The following VPS53 variants were observed in gnomAD, a reference collection of about 807,000 sequenced individuals.
VPS53 encodes the protein vacuolar protein sorting-associated protein 53 homolog.
In VPS53, 70 loss-of-function variants were observed where a neutral mutation model predicts 107.0. That is an observed-to-expected ratio of 0.65 (90% CI 0.54 to 0.80). VPS53 has a LOEUF of 0.80. VPS53 is among the 30% of genes least tolerant of loss of function. VPS53 has a pLI of 0.00. For missense variants in VPS53, 917 were observed against 1,049.4 expected, an observed-to-expected ratio of 0.87 and a Z score of 1.74; for synonymous variants, 409 against 393.3, an observed-to-expected ratio of 1.04 and a Z score of -0.47.
intron 4 of VPS53, among the ~76,000 whole-genome samples, chr17:689,777 T>A (rs1297592007): frequency 6.6e-6 from 1 of 152,168 alleles, no homozygotes; most frequent in African/African-American, 2.4e-5. Flanking sequence ...CCCGGCCTAT[T>A]TTCGTTCTAA....
At position 519,584 on chromosome 17, in the gene VPS53, C is replaced by T. The variant is rs568098266; in HGVS notation, c.2328+242G>A. Among the ~76,000 whole-genome samples the T allele has an allele frequency of 2.8e-4, 43 of 152,336 alleles. No homozygotes were observed. Among genetic ancestry groups the T allele is most frequent in the Non-Finnish European group, 4.7e-4 (32 of 68,034 alleles). On this transcript the variant is annotated intron_variant, in intron 21 of 21. Coordinates refer to ENST00000437048, the MANE Select transcript of VPS53 (RefSeq NM_001128159.3). The surrounding 1 kb of genome is among the most constrained non-coding windows in gnomAD (Gnocchi z 5.0). ...CAACATGCCTGTCCTCATCCCCCTG[C>T]CCCTGCCCCATCCTCCCTGTGCAGG... is the stretch of plus-strand genomic sequence containing the variant.
At chr17:675,570 T>TC (rs1972119866) in intron 4 of VPS53, 1 of 152,024 alleles carries the variant, frequency 6.6e-6, no homozygotes, top group Admixed American at 6.5e-5. Flanking sequence ...GGTTGGGTGT[T>TC]CGAGACCAGC....
intron 12 of VPS53, among the ~76,000 whole-genome samples, chr17:600,451 A>C (rs1201546878): frequency 6.6e-6 from 1 of 152,248 alleles, no homozygotes; most frequent in Non-Finnish European, 1.5e-5. Context: ...CCAAAATGCA[A>C]TTGAGAACTG....
intron 8 of VPS53, among the ~76,000 whole-genome samples, chr17:630,391 A>G (rs1353840167): frequency 6.6e-6 from 1 of 151,700 alleles, no homozygotes; most frequent in Non-Finnish European, 1.5e-5. Flanking sequence ...GCTTCTCATG[A>G]GCGAATATCC....
chr17:690,639 A>G lies in VPS53; in HGVS notation c.285+6779T>C, dbSNP rs567431517. On this transcript the variant is annotated intron_variant, in intron 4 of 21. Transcript: ENST00000437048. ...TTGCGACTCTTGACCTGGGGGTTTC[A>G]GGTGACTGCCAACTCAGTAGAAGCC... Among the ~76,000 whole-genome samples, 50 of 152,336 alleles carry G rather than the reference A, an allele frequency of 3.3e-4. No individual in the cohort carries two copies. In the South Asian group the frequency reaches 9.7e-3, roughly 30 times the overall value.
chr17:557,908 G>A (rs1912583275), intron 15 of VPS53, among the ~76,000 whole-genome samples: 1 of 148,412 alleles, frequency 6.7e-6, no homozygotes, highest in South Asian at 2.1e-4. Flanking sequence ...CACCCAGGCT[G>A]GAGTGCAGTG....
At chr17:624,524 A>G (rs1969607933) in intron 10 of VPS53, among the ~76,000 whole-genome samples, 1 of 152,248 alleles carries the variant, frequency 6.6e-6, no homozygotes, top group African/African-American at 2.4e-5. Flanking sequence ...ATCTTCTCAC[A>G]CAAATAAATG....
At chr17:636,812 G>C (rs1970215528) in intron 7 of VPS53, among the ~76,000 whole-genome samples, 1 of 152,154 alleles carries the variant, frequency 6.6e-6, no homozygotes, top group South Asian at 2.1e-4. Flanking sequence ...TGCTGGATTT[G>C]GTTTGCCAGT....
Position 517,413 on chromosome 17 carries a change from T to C in VPS53, c.*1715A>G, listed in dbSNP as rs1908385938. The C allele has an allele frequency of 5.0e-6, 2 of 399,402 alleles. No homozygotes were observed. Among genetic ancestry groups the C allele is most frequent in the African/African-American group, 2.1e-5 (1 of 48,680 alleles). The allele number at this position is 399,402 out of a possible 1,614,324, so 24.7% of individuals were successfully genotyped here. ...GCAGGGGCACAGAGCAGTGGTTATGTTGGGAAACAAGGTGGGGATGAGGAA... is the reference window on the plus strand; with the variant it reads ...GCAGGGGCACAGAGCAGTGGTTATGCTGGGAAACAAGGTGGGGATGAGGAA... On this transcript the variant is annotated 3_prime_UTR_variant, in exon 22 of 22. Transcript: ENST00000437048.
intron 13 of VPS53, among the ~76,000 whole-genome samples, chr17:572,413 G>C (rs1271657862): frequency 7.0e-6 from 1 of 141,988 alleles, no homozygotes; most frequent in Non-Finnish European, 1.5e-5. Flanking sequence ...GAGGGAGGTG[G>C]GGGGGTCAGC....
intron 6 of VPS53, 89 bp from the exon 7 acceptor site, chr17:653,499 G>A: frequency 6.3e-7 from 1 of 1,579,000 alleles, no homozygotes; most frequent in Non-Finnish European, 8.6e-7. Flanking sequence ...CTCTCAAACA[G>A]ATATCAACTC....
In VPS53 at chr17:549,411, A is replaced by T. The variant is rs190836481; in HGVS notation, c.1866+2461T>A. On this transcript the variant is annotated intron_variant, in intron 17 of 21. Transcript: ENST00000437048. ...TTCCCAAGTCTGTGGTTTTCCTATG[A>T]TATAAACAAAGGACTCTGGAGGCAC... Among the ~76,000 whole-genome samples, 3 of 152,152 alleles carry T rather than the reference A, an allele frequency of 2.0e-5. No homozygotes were observed. The East Asian group carries it at 5.8e-4, about 29-fold the overall frequency.
rs1163447567 is a variant in VPS53, at chr17:669,470, A to G, written c.286-7575T>C. Among the ~76,000 whole-genome samples the G allele has an allele frequency of 3.9e-5, 6 of 151,974 alleles. No homozygotes were observed. The South Asian group carries it at 1.0e-3, about 26-fold the overall frequency. On this transcript the variant is annotated intron_variant, in intron 4 of 21. Coordinates refer to ENST00000437048, the MANE Select transcript of VPS53 (RefSeq NM_001128159.3). ...TAGCTGTGTGTGCTAGTACATGCCT[A>G]TAGTTCCAGCTACTCCGGAGGCTGA... is the stretch of plus-strand genomic sequence containing the variant.
intron 7 of VPS53, among the ~76,000 whole-genome samples, chr17:642,104 G>A (rs1970444544): frequency 6.6e-6 from 1 of 152,222 alleles, no homozygotes; most frequent in Non-Finnish European, 1.5e-5. Context: ...GTGAGTGACA[G>A]TCCCAAAGAA....
intron 4 of VPS53, among the ~76,000 whole-genome samples, chr17:678,330 G>A (rs1227956241): frequency 1.3e-5 from 2 of 151,926 alleles, no homozygotes; most frequent in Non-Finnish European, 2.9e-5. Context: ...GCTGAGGCAG[G>A]AGAATCGCTT....
chr17:669,909 A>G (rs944098968), intron 4 of VPS53, among the ~76,000 whole-genome samples: 5 of 152,042 alleles, frequency 3.3e-5, no homozygotes, highest in African/African-American at 1.2e-4. Context: ...AAAAGAAGAA[A>G]AAAAAGTAAT....
chr17:695,845 C>T (rs1393445596), intron 4 of VPS53, among the ~76,000 whole-genome samples: 1 of 152,218 alleles, frequency 6.6e-6, no homozygotes, highest in Non-Finnish European at 1.5e-5. Context: ...GGCCACCATG[C>T]CTGGCCTTGG....
At chr17:615,914 G>C (rs767366578) in intron 11 of VPS53, 13 of 152,224 alleles carry the variant, frequency 8.5e-5, no homozygotes, top group African/African-American at 1.2e-4. Flanking sequence ...TAGCCATGAT[G>C]AATTCACCAA....
intron 11 of VPS53, among the ~76,000 whole-genome samples, chr17:613,931 A>G (rs1354671522): frequency 1.3e-5 from 2 of 152,266 alleles, no homozygotes; most frequent in Non-Finnish European, 2.9e-5. Flanking sequence ...ACAACGGTGC[A>G]CTATTCAGCC....
Sources: allele counts gnomAD v4.1 joint callset (sites outside exome capture counted in the v4.1 genomes callset), GRCh38; gene constraint gnomAD v4.1.1; non-coding constraint Gnocchi (gnomAD v3.1); transcripts MANE v1.5; gene names NCBI Gene and HGNC (gene_info 2026-07-23, HGNC 2026-07-21).